The following GRM8 variants were observed in gnomAD, a reference collection of about 807,000 sequenced individuals.
GRM8 encodes the protein metabotropic glutamate receptor 8.
A neutral mutation model predicts 87.2 loss-of-function variants in GRM8; 47 were observed. The ratio of observed to expected loss-of-function variants is 0.54; its 90% CI spans 0.43 to 0.69. The LOEUF is 0.69. Ranked by LOEUF, GRM8 falls within the 30% of genes least tolerant of loss-of-function variation. The probability of loss-of-function intolerance (pLI) is 0.00; values close to 1 mark genes in which losing one functional copy is unlikely to be tolerated. For synonymous variants in GRM8, 396 were observed against 404.5 expected, an observed-to-expected ratio of 0.98 and a Z score of 0.25; for missense variants, 1,019 against 1,139.2, an observed-to-expected ratio of 0.89 and a Z score of 1.52.
intron 7 of GRM8, among the ~76,000 whole-genome samples, chr7:126,769,376 G>A (rs745792520): frequency 1.7e-4 from 26 of 152,042 alleles, no homozygotes; most frequent in Non-Finnish European, 1.5e-5. Flanking sequence ...CTGAGTCATT[G>A]AGAAAAATAT....
chr7:126,587,458 A>G (rs1462551995), intron 8 of GRM8, among the ~76,000 whole-genome samples: 1 of 152,212 alleles, frequency 6.6e-6, no homozygotes, highest in African/African-American at 2.4e-5. Context: ...CTGGATTAAG[A>G]AAATGTGGCA....
At chr7:127,117,510 G>A (rs1826767297) in intron 2 of GRM8, among the ~76,000 whole-genome samples, 1 of 152,168 alleles carries the variant, frequency 6.6e-6, no homozygotes, top group Admixed American at 6.5e-5. Context: ...TGAAATCTCT[G>A]ATTATTCTTC....
Position 126,841,664 on chromosome 7 carries a change from A to G in GRM8, c.1156+60878T>C, listed in dbSNP as rs1261720773. ...TTTTTTTGAGATGGACTCTCGCTCTATCACCCAGACTGGAGTGCAGTGGTG... is the reference window on the plus strand; with the variant it reads ...TTTTTTTGAGATGGACTCTCGCTCTGTCACCCAGACTGGAGTGCAGTGGTG... On this transcript the variant is annotated intron_variant, in intron 6 of 10. Transcript: ENST00000339582. 2.7e-5 allele frequency among the ~76,000 whole-genome samples: 4 copies of G among 149,796 alleles called. 1 individual carries two copies. In the East Asian group the frequency reaches 5.9e-4, roughly 22 times the overall value.
intron 3 of GRM8, among the ~76,000 whole-genome samples, chr7:127,052,644 C>T (rs139091856): frequency 6.6e-6 from 1 of 152,330 alleles, no homozygotes; most frequent in Non-Finnish European, 1.5e-5. Context: ...AATTTCAAAT[C>T]AACATTACAG....
At chr7:127,106,745 T>A (rs771105985) in intron 2 of GRM8, 33 bp from the exon 3 acceptor site, 1 of 1,419,236 alleles carries the variant, frequency 7.0e-7, no homozygotes, top group Non-Finnish European at 1.0e-6. Flanking sequence ...TTTCAACCCA[T>A]GACGAATCTT....
chr7:127,178,313 T>C (rs1794232742), intron 2 of GRM8, among the ~76,000 whole-genome samples: 2 of 152,018 alleles, frequency 1.3e-5, no homozygotes, highest in South Asian at 4.1e-4. Flanking sequence ...AGAAAAAGAA[T>C]AAGAAAATAT....
intron 9 of GRM8, among the ~76,000 whole-genome samples, chr7:126,467,152 A>AC (rs1328879182): frequency 8.1e-6 from 1 of 122,842 alleles, no homozygotes; most frequent in East Asian, 2.6e-4. Context: ...CTAGCCCCCC[A>AC]CCCCCCGACA....
intron 7 of GRM8, among the ~76,000 whole-genome samples, chr7:126,682,740 T>C (rs999421203): frequency 1.3e-5 from 2 of 152,198 alleles, no homozygotes; most frequent in Non-Finnish European, 2.9e-5. Flanking sequence ...ACATATTTAT[T>C]ATATGACTCC....
chr7:126,766,160 T>C (rs1226046746), intron 7 of GRM8, among the ~76,000 whole-genome samples: 2 of 152,136 alleles, frequency 1.3e-5, no homozygotes, highest in Admixed American at 1.3e-4. Context: ...CTTTAAACCA[T>C]TGCTTAAGTA....
chr7:126,614,748 T>A (rs1799277313), intron 7 of GRM8, among the ~76,000 whole-genome samples: 1 of 152,192 alleles, frequency 6.6e-6, no homozygotes, highest in Admixed American at 6.5e-5. Context: ...AGTAGCTGAT[T>A]TGATCAACTG....
intron 6 of GRM8, among the ~76,000 whole-genome samples, chr7:126,897,077 G>T (rs1801612958): frequency 6.6e-6 from 1 of 152,104 alleles, no homozygotes; most frequent in African/African-American, 2.4e-5. Context: ...GATAGGATAT[G>T]GAATCAACTG....
intron 7 of GRM8, among the ~76,000 whole-genome samples, chr7:126,758,432 C>T (rs1172640461): frequency 2.0e-5 from 3 of 152,122 alleles, no homozygotes; most frequent in Admixed American, 6.6e-5. Context: ...GAGCTCATGT[C>T]TGTCTCTGAA....
chr7:126,877,455 T>C (rs1401685726), intron 6 of GRM8, among the ~76,000 whole-genome samples: 4 of 152,318 alleles, frequency 2.6e-5, no homozygotes, highest in Non-Finnish European at 5.9e-5. Flanking sequence ...TGTCAAGTGT[T>C]CAACAGCCAC....
chr7:126,686,222 G>A (rs1226045780), intron 7 of GRM8, among the ~76,000 whole-genome samples: 1 of 152,034 alleles, frequency 6.6e-6, no homozygotes. Context: ...CTTCTAAGCT[G>A]TTCTATTGCT....
chr7:126,535,074 AC>A (rs1815478901), intron 8 of GRM8, among the ~76,000 whole-genome samples: 1 of 152,166 alleles, frequency 6.6e-6, no homozygotes, highest in South Asian at 2.1e-4. Flanking sequence ...GAAAAAAAGA[AC>A]AACTTATTTT....
chr7:126,842,881 C>G (rs1474903216), intron 6 of GRM8, among the ~76,000 whole-genome samples: 1 of 152,138 alleles, frequency 6.6e-6, no homozygotes, highest in Non-Finnish European at 1.5e-5. Context: ...CCTCTAAACT[C>G]CGGAACTGTA....
intron 7 of GRM8, among the ~76,000 whole-genome samples, chr7:126,651,063 A>G (rs1295186668): frequency 2.6e-5 from 4 of 152,186 alleles, no homozygotes; most frequent in Admixed American, 1.3e-4. Flanking sequence ...CGGAAAGGGC[A>G]GAGGTTTGTC....
chr7:127,153,091 G>A (rs1008562298), intron 2 of GRM8, among the ~76,000 whole-genome samples: 2 of 152,060 alleles, frequency 1.3e-5, no homozygotes, highest in African/African-American at 4.8e-5. Flanking sequence ...TTACATAAAT[G>A]ATTACACAAC....
At chr7:126,518,142 A>G (rs998046750) in intron 9 of GRM8, among the ~76,000 whole-genome samples, 1 of 152,064 alleles carries the variant, frequency 6.6e-6, no homozygotes, top group African/African-American at 2.4e-5. Flanking sequence ...ATGATACTAC[A>G]TTAACTGGCA....
Sources: allele counts gnomAD v4.1 joint callset (sites outside exome capture counted in the v4.1 genomes callset), GRCh38; gene constraint gnomAD v4.1.1; transcripts MANE v1.5; gene names NCBI Gene and HGNC (gene_info 2026-07-23, HGNC 2026-07-21).